The following SMOC2 variants were observed in gnomAD, a reference collection of about 807,000 sequenced individuals.
SMOC2 encodes the protein SPARC-related modular calcium-binding protein 2.
In SMOC2, 39 loss-of-function variants were observed where a neutral mutation model predicts 61.4. The ratio of observed to expected loss-of-function variants is 0.64; its 90% CI spans 0.49 to 0.83. The LOEUF is 0.83. Among genes scored for constraint, SMOC2 ranks in the 40% least tolerant of loss-of-function variants. The probability of loss-of-function intolerance (pLI) is 0.00; values close to 1 mark genes in which losing one functional copy is unlikely to be tolerated. For synonymous variants in SMOC2, 247 were observed against 239.9 expected (o/e 1.03, Z -0.27); for missense variants, 556 against 592.9 (o/e 0.94, Z 0.65).
intron 1 of SMOC2, among the ~76,000 whole-genome samples, chr6:168,503,466 G>A (rs984519202): frequency 6.6e-6 from 1 of 152,096 alleles, no homozygotes; most frequent in Non-Finnish European, 1.5e-5. Context: ...CTCCTGTGAG[G>A]CACCTCCGTC....
In SMOC2 at chr6:168,492,260, A is replaced by G. The variant is rs374838361; in HGVS notation, c.85-17655A>G. On this transcript the variant is annotated intron_variant, in intron 1 of 12. Coordinates refer to ENST00000356284, the MANE Select transcript of SMOC2 (RefSeq NM_001166412.2). ...CATGAGAATACCGTTGGCTGGCCCC[A>G]TCCTCTCCAAGATACGAGGCACACA... Among the ~76,000 whole-genome samples the G allele has an allele frequency of 9.8e-5, 15 of 152,302 alleles. No homozygotes were observed. In the East Asian group the frequency reaches 1.2e-3, roughly 12 times the overall value.
chr6:168,493,971 A>G (rs1782528347), intron 1 of SMOC2, among the ~76,000 whole-genome samples: 2 of 152,226 alleles, frequency 1.3e-5, no homozygotes, highest in Non-Finnish European at 2.9e-5. Flanking sequence ...GCCACCTTTC[A>G]TAAGTGCATT....
chr6:168,512,380 A>G (rs1172458047), intron 2 of SMOC2, among the ~76,000 whole-genome samples: 2 of 152,124 alleles, frequency 1.3e-5, no homozygotes, highest in Non-Finnish European at 2.9e-5. Context: ...CACCAGCACG[A>G]TTGCAGTGAG....
chr6:168,596,719 A>G (rs1339492956), intron 7 of SMOC2, among the ~76,000 whole-genome samples: 5 of 152,270 alleles, frequency 3.3e-5, no homozygotes, highest in Non-Finnish European at 5.9e-5. Context: ...TAACTTACTG[A>G]GCAATTCAGA....
intron 7 of SMOC2, among the ~76,000 whole-genome samples, chr6:168,591,883 G>A (rs1583138941): frequency 6.6e-6 from 1 of 152,048 alleles, no homozygotes; most frequent in East Asian, 1.9e-4. Context: ...TAGGGATTTT[G>A]TAATCATTCA....
rs767137846 is a variant in SMOC2 at position 168,526,317 on chromosome 6, C to G, written c.257-29C>G. ...GTTCTATCTTCTTCCCATTGCATAA[C>G]CACACCTCTGCCCTGTTCTTCCCTA... On this transcript the variant is annotated intron_variant, in intron 2 of 12. Coordinates refer to ENST00000356284, the MANE Select transcript of SMOC2 (RefSeq NM_001166412.2). 5.7e-6 allele frequency: 9 copies of G among 1,584,762 alleles called. No individual in the cohort carries two copies. The East Asian group carries it at 2.0e-4, about 35-fold the overall frequency.
intron 4 of SMOC2, among the ~76,000 whole-genome samples, chr6:168,528,070 C>T (rs1388258344): frequency 6.6e-6 from 1 of 152,134 alleles, no homozygotes; most frequent in Non-Finnish European, 1.5e-5. Context: ...GTGGAAATGA[C>T]CAAATGTTTT....
chr6:168,472,424 C>T (rs1229666605), intron 1 of SMOC2, among the ~76,000 whole-genome samples: 2 of 152,112 alleles, frequency 1.3e-5, no homozygotes, highest in African/African-American at 2.4e-5. Context: ...TTTTTATGCC[C>T]TCTTCCACTA....
chr6:168,629,259 C>T (rs529764533), intron 9 of SMOC2, among the ~76,000 whole-genome samples: 13 of 152,358 alleles, frequency 8.5e-5, no homozygotes, highest in East Asian at 1.9e-4. Flanking sequence ...TCAGGGTCTC[C>T]GACAGGTCCT....
At chr6:168,589,639 C>A (rs1196047680) in intron 7 of SMOC2, among the ~76,000 whole-genome samples, 1 of 149,564 alleles carries the variant, frequency 6.7e-6, no homozygotes, top group South Asian at 2.1e-4. Flanking sequence ...GTTTAGGGGG[C>A]AGCCGGTCTG....
chr6:168,551,971 G>A (rs1583102984), intron 7 of SMOC2, among the ~76,000 whole-genome samples: 1 of 152,148 alleles, frequency 6.6e-6, no homozygotes, highest in African/African-American at 2.4e-5. Flanking sequence ...AATGTTTTAG[G>A]AAATTCCAGT....
At chr6:168,558,184 G>A (rs1451307356) in intron 7 of SMOC2, among the ~76,000 whole-genome samples, 2 of 152,222 alleles carry the variant, frequency 1.3e-5, no homozygotes, top group South Asian at 2.1e-4. Flanking sequence ...CCAGGAGAGC[G>A]GCTGTGTCTC....
At chr6:168,570,409 C>A (rs2115140267) in intron 7 of SMOC2, among the ~76,000 whole-genome samples, 1 of 152,214 alleles carries the variant, frequency 6.6e-6, no homozygotes, top group South Asian at 2.1e-4. Context: ...AACGTCTTGC[C>A]CACCCTAGAA....
intron 5 of SMOC2, among the ~76,000 whole-genome samples, chr6:168,545,135 AG>A (rs1463605640): frequency 2.0e-5 from 3 of 152,178 alleles, no homozygotes; most frequent in Non-Finnish European, 4.4e-5. Context: ...AGAGAAAGGA[AG>A]GGACAATCTC....
chr6:168,519,007 G>C (rs929134385), intron 2 of SMOC2, among the ~76,000 whole-genome samples: 1 of 143,308 alleles, frequency 7.0e-6, no homozygotes, highest in Non-Finnish European at 1.6e-5. Context: ...GCATGTGTGA[G>C]TATGCGTGCA....
rs1017111061 is a variant in SMOC2, at chr6:168,510,005, A to G, written c.175A>G (p.Thr59Ala). Residue 59 changes from threonine to alanine, a missense_variant, in exon 2 of 13, where the codon ACC becomes GCC. Transcript: ENST00000356284. ...ACCTCTCTGCGCATCTGACGGAAGG[A>G]CCTTCCTTTCCCGTTGTGAATTTCA... ...QKPLCASDGR[T>A]FLSRCEFQRA... 15 of 1,614,038 alleles carry G rather than the reference A, an allele frequency of 9.3e-6. No homozygotes were observed. In the African/African-American group the frequency reaches 1.9e-4, roughly 20 times the overall value.
At position 168,577,742 on chromosome 6, in the gene SMOC2, C is replaced by G. The variant is rs61358567; in HGVS notation, c.638-21076C>G. ...GGTTTAGAGACAGGACCCTGCAGTG[C>G]TGAGGGCAACACATCGACAGAGCCC... On this transcript the variant is annotated intron_variant, in intron 7 of 12. Coordinates refer to ENST00000356284, the MANE Select transcript of SMOC2 (RefSeq NM_001166412.2). Among the ~76,000 whole-genome samples the G allele has an allele frequency of 2.7e-4, 41 of 152,286 alleles. No individual in the cohort carries two copies. The East Asian group carries it at 6.0e-3, about 22-fold the overall frequency.
chr6:168,578,348 A>T (rs1784852504), intron 7 of SMOC2, among the ~76,000 whole-genome samples: 1 of 152,206 alleles, frequency 6.6e-6, no homozygotes, highest in Admixed American at 6.5e-5. Flanking sequence ...TACTTGAATG[A>T]GGTCATGAAT....
intron 9 of SMOC2, among the ~76,000 whole-genome samples, chr6:168,639,497 G>A (rs753687068): frequency 7.2e-5 from 11 of 152,266 alleles, no homozygotes; most frequent in East Asian, 3.9e-4. Context: ...TTGTCTTTCC[G>A]TTGTGTTGGG....
Sources: gnomAD v4.1 joint callset for allele counts (sites outside exome capture counted in the v4.1 genomes callset) on GRCh38, gnomAD v4.1.1 for gene constraint, MANE v1.5 for transcripts, NCBI Gene and HGNC (gene_info 2026-07-23, HGNC 2026-07-21) for gene names.